The following FMO4 variants were observed in gnomAD, a reference collection of about 807,000 sequenced individuals.
FMO4 encodes flavin containing dimethylaniline monoxygenase 4.
A neutral mutation model predicts 43.3 loss-of-function variants in FMO4; 38 were observed. The observed-to-expected ratio is 0.88, with a 90% confidence interval of 0.68 to 1.15. FMO4 has a LOEUF of 1.15. Ranked by LOEUF, FMO4 falls within the 50% of genes most tolerant of loss-of-function variation. The pLI is 0.00. For synonymous variants in FMO4, 224 were observed against 232.2 expected (o/e 0.96, Z 0.32); for missense variants, 631 against 663.3 (o/e 0.95, Z 0.54).
chr1:171,334,340 CTAAG>C, intron 7 of FMO4, 67 bp from the exon 8 acceptor site: 1 of 959,928 alleles, frequency 1.0e-6, no homozygotes, highest in South Asian at 1.7e-5. Flanking sequence ...CCTGAATTGG[CTAAG>C]TAAATCATTT....
intron 9 of FMO4, among the ~76,000 whole-genome samples, chr1:171,341,174 CT>C (rs957807813): frequency 6.6e-6 from 1 of 152,060 alleles, no homozygotes; most frequent in African/African-American, 2.4e-5. Context: ...TCTTCCATCT[CT>C]AGTAAAATTA....
At chr1:171,335,493 T>C (rs1440997129) in intron 8 of FMO4, among the ~76,000 whole-genome samples, 1 of 152,226 alleles carries the variant, frequency 6.6e-6, no homozygotes, top group African/African-American at 2.4e-5. Context: ...TTAGCAAGCA[T>C]TTTAGTTTTA....
chr1:171,326,394 G>T (rs1662671134), intron 5 of FMO4, among the ~76,000 whole-genome samples: 1 of 152,168 alleles, frequency 6.6e-6, no homozygotes, highest in Non-Finnish European at 1.5e-5. Flanking sequence ...CAACCTAATG[G>T]AAGAAGCTGA....
chr1:171,319,678 T>A (rs1445993169), intron 2 of FMO4, 140 bp from the exon 3 acceptor site: 1 of 662,462 alleles, frequency 1.5e-6, no homozygotes, highest in Non-Finnish European at 2.5e-6. Context: ...AGAGCCTGGA[T>A]TTTTAAGCAG....
At chr1:171,326,907 G>T (rs1238101708) in intron 5 of FMO4, among the ~76,000 whole-genome samples, 1 of 152,126 alleles carries the variant, frequency 6.6e-6, no homozygotes, top group Admixed American at 6.5e-5. Flanking sequence ...TCCTGAATTA[G>T]TAGTTTTAAT....
chr1:171,322,679 C>A (rs188713828), intron 3 of FMO4, among the ~76,000 whole-genome samples: 1 of 152,078 alleles, frequency 6.6e-6, no homozygotes, highest in African/African-American at 2.4e-5. Context: ...ATGGTGAAAT[C>A]CCATCTCTAC....
intron 3 of FMO4, among the ~76,000 whole-genome samples, chr1:171,321,999 T>TTGG (rs1662453264): frequency 6.6e-6 from 1 of 152,204 alleles, no homozygotes; most frequent in African/African-American, 2.4e-5. Context: ...AAGAAGTTCA[T>TTGG]TGGTGTCTTT....
At chr1:171,334,139 T>C (rs1387794075) in intron 7 of FMO4, among the ~76,000 whole-genome samples, 4 of 152,200 alleles carry the variant, frequency 2.6e-5, no homozygotes, top group Non-Finnish European at 4.4e-5. Context: ...GAGAAAAGCA[T>C]TGCTCCAGAA....
intron 4 of FMO4, 42 bp from the exon 5 acceptor site, chr1:171,324,096 A>C (rs1235151700): frequency 1.9e-6 from 3 of 1,563,522 alleles, no homozygotes; most frequent in African/African-American, 1.4e-5. Context: ...CATGAGGTCC[A>C]AGGGTGTTAG....
chr1:171,325,743 C>T lies in FMO4; in HGVS notation c.484+1443C>T, dbSNP rs2284130. On this transcript the variant is annotated intron_variant, in intron 5 of 9. Coordinates refer to ENST00000367749, the MANE Select transcript of FMO4 (RefSeq NM_002022.3). Reference sequence around the variant, plus strand: ...GCCAAACTATTGACATGGATGCTTTCGGAATTTATTCTCTTCAAGTTTGGG... The same window carrying T: ...GCCAAACTATTGACATGGATGCTTTTGGAATTTATTCTCTTCAAGTTTGGG... Among the ~76,000 whole-genome samples, 67 of 138,646 alleles carry T rather than the reference C, an allele frequency of 4.8e-4. No homozygotes were observed. In the East Asian group the frequency reaches 0.015, roughly 31 times the overall value. 91.0% of individuals were successfully genotyped at this position (138,646 alleles called of 152,430 possible).
At position 171,323,059 on chromosome 1, in the gene FMO4, G is replaced by A; in HGVS notation, c.188G>A (p.Cys63Tyr). The change falls in exon 4 of 10, where the codon TGT becomes TAT. Residue 63 changes from cysteine to tyrosine, a missense_variant. Coordinates refer to ENST00000367749, the MANE Select transcript of FMO4 (RefSeq NM_002022.3). ...TATAAGTCATTAGTGACAAATGTCT[G>A]TAAGGAAATGTCATGTTACAGTGAC... ...RVYKSLVTNV[C>Y]KEMSCYSDFP... 1 of 1,613,082 alleles carries A rather than the reference G, an allele frequency of 6.2e-7. No homozygotes were observed. Among genetic ancestry groups the A allele is most frequent in the South Asian group, 1.1e-5 (1 of 91,054 alleles).
At chr1:171,332,963 A>G in intron 7 of FMO4, 55 bp downstream of exon 7, 1 of 834,862 alleles carries the variant, frequency 1.2e-6, no homozygotes. Flanking sequence ...TTATCATTAC[A>G]TTTTATTCAG....
intron 3 of FMO4, among the ~76,000 whole-genome samples, chr1:171,321,328 G>C (rs1360320705): frequency 6.6e-6 from 1 of 152,090 alleles, no homozygotes; most frequent in Non-Finnish European, 1.5e-5. Flanking sequence ...ATATACAGTT[G>C]TCTCTTGGTG....
chr1:171,337,614 C>T (rs1439828825), intron 9 of FMO4, among the ~76,000 whole-genome samples, 189 bp downstream of exon 9: 1 of 152,216 alleles, frequency 6.6e-6, no homozygotes, highest in Non-Finnish European at 1.5e-5. Context: ...GACAAGTCAT[C>T]TGGGGACACC....
chr1:171,322,249 A>C (rs1476927119), intron 3 of FMO4, among the ~76,000 whole-genome samples: 2 of 152,212 alleles, frequency 1.3e-5, no homozygotes, highest in Admixed American at 6.5e-5. Flanking sequence ...TAGATTGGGA[A>C]TATACGGAGA....
intron 3 of FMO4, 51 bp from the exon 4 acceptor site, chr1:171,322,953 T>A: frequency 1.4e-6 from 2 of 1,407,630 alleles, no homozygotes; most frequent in Non-Finnish European, 2.0e-6. Flanking sequence ...ATCTCTGTTC[T>A]CTTCCTCCTA....
rs1662109356 is a variant in FMO4 at position 171,314,231 on chromosome 1, A to G, written c.-333A>G. 1 of 152,182 alleles carries G rather than the reference A, an allele frequency of 6.6e-6. No homozygotes were observed. The highest frequency in any genetic ancestry group is 2.4e-5 in the African/African-American group (1 of 41,440). 9.4% of individuals were successfully genotyped at this position (152,182 alleles called of 1,614,324 possible). ...GTATACTTTCTGCTGTCACTAGCAT[A>G]ACAGAAAAGACGAATGGCTTTTGTT... On this transcript the variant is annotated 5_prime_UTR_variant, in exon 1 of 10. In the 5' UTR this introduces an upstream ATG that the reference lacks. Transcript: ENST00000367749.
At chr1:171,331,121 C>A (rs1170721860) in intron 5 of FMO4, among the ~76,000 whole-genome samples, 7 of 152,166 alleles carry the variant, frequency 4.6e-5, no homozygotes, top group Non-Finnish European at 8.8e-5. Flanking sequence ...AAATCACATT[C>A]TGATAGAATA....
chr1:171,328,929 A>G (rs1440372524), intron 5 of FMO4, among the ~76,000 whole-genome samples: 1 of 152,014 alleles, frequency 6.6e-6, no homozygotes, highest in Non-Finnish European at 1.5e-5. Context: ...AAAAACAAAA[A>G]AAAATCTCAT....
Sources: allele counts gnomAD v4.1 joint callset (sites outside exome capture counted in the v4.1 genomes callset), GRCh38; gene constraint gnomAD v4.1.1; transcripts MANE v1.5; gene names NCBI Gene and HGNC (gene_info 2026-07-23, HGNC 2026-07-21).